DNAH12: variants seen among roughly 807,000 people sequenced by gnomAD.
DNAH12 encodes dynein axonemal heavy chain 12.
DNAH12 carries 285 observed loss-of-function variants against 371.5 expected under a neutral mutation model. The observed-to-expected ratio is 0.77, with a 90% CI of 0.70 to 0.85. The LOEUF (loss-of-function observed/expected upper bound fraction) is 0.85. Among genes scored for constraint, DNAH12 ranks in the 40% least tolerant of loss-of-function variants. DNAH12 has a pLI of 0.00. For synonymous variants in DNAH12, 1,200 were observed against 1,213.0 expected (o/e 0.99, Z 0.22); for missense variants, 3,611 against 3,689.4 (o/e 0.98, Z 0.55).
At chr3:57,420,908 C>CAAAAAAAAAA (rs369971376) in intron 36 of DNAH12, among the ~76,000 whole-genome samples, 8 of 78,014 alleles carry the variant, frequency 1.0e-4, no homozygotes, top group African/African-American at 1.6e-4. Flanking sequence ...GACTCCGTCT[C>CAAAAAAAAAA]AAAAAAAAAA....
At chr3:57,329,425 G>A (rs1365604042) in intron 62 of DNAH12, among the ~76,000 whole-genome samples, 3 of 125,946 alleles carry the variant, frequency 2.4e-5, no homozygotes, top group African/African-American at 1.0e-4. Flanking sequence ...ACAACTATCT[G>A]ATCTTTGACA....
intron 12 of DNAH12, among the ~76,000 whole-genome samples, chr3:57,484,890 G>C (rs2066872756): frequency 6.6e-6 from 1 of 152,006 alleles, no homozygotes; most frequent in Admixed American, 6.6e-5. Context: ...GACATGAATA[G>C]GCATTTCTTA....
rs1287420032 is a variant in DNAH12, at chr3:57,446,255, C to A, written c.3955G>T (p.Ala1319Ser). 3.9e-6 allele frequency: 6 copies of A among 1,551,032 alleles called. No homozygotes were observed. The African/African-American group carries it at 8.2e-5, about 21-fold the overall frequency. The change falls in exon 27 of 74, where the codon GCT becomes TCT. Residue 1319 changes from alanine to serine, a missense_variant. By Grantham distance (99) the Ala-to-Ser change is moderately conservative. Transcript: ENST00000495027. The part of the protein sequence containing the change: ...LAMGKFFKGL[A>S]SSGAWACFDE... The stretch of plus-strand genomic sequence containing the variant: ...AAGCAAGCCCAAGCACCAGAAGAAG[C>A]CAGTCCTTTAAAAAACTAAGGACAA...
chr3:57,353,451 C>A (rs1162139621), intron 59 of DNAH12, among the ~76,000 whole-genome samples: 2 of 152,130 alleles, frequency 1.3e-5, no homozygotes, highest in East Asian at 1.9e-4. Context: ...TGGCACCATG[C>A]CCAGCTAGTT....
intron 73 of DNAH12, 72 bp from the exon 74 acceptor site, chr3:57,294,043 A>G: frequency 7.7e-6 from 10 of 1,292,324 alleles, no homozygotes; most frequent in Non-Finnish European, 1.0e-5. Flanking sequence ...AGAACTATTT[A>G]TCTTGTAATA....
Position 57,334,562 on chromosome 3 carries a change from C to A in DNAH12, c.9881G>T (p.Ser3294Ile). 5 of 1,550,656 alleles carry A rather than the reference C, an allele frequency of 3.2e-6. No individual in the cohort carries two copies. Among genetic ancestry groups the A allele is most frequent in the Non-Finnish European group, 4.4e-6 (5 of 1,146,846 alleles). Residue 3294 changes from serine to isoleucine, a missense_variant, in exon 62 of 74, where the codon AGT becomes ATT. Around this residue, in one of 3 missense-constraint regions of DNAH12, gnomAD observed 2,266 missense variants for 2,236.9 expected, o/e 1.01. Transcript: ENST00000495027. ...AAATTTAGCATTATGTGGCTCTTTA[C>A]TGTCATAGATTTCTCGCCATTCATA... Reference protein sequence around the residue: ...HIYEWREIYDSKEPHNAKFPA... With the variant: ...HIYEWREIYDIKEPHNAKFPA...
At chr3:57,373,481 A>ATTT (rs879077079) in intron 55 of DNAH12, among the ~76,000 whole-genome samples, 26 of 141,004 alleles carry the variant, frequency 1.8e-4, no homozygotes, top group Admixed American at 4.3e-4. Context: ...CACCTGGCTA[A>ATTT]TTTTTTTTTT....
chr3:57,388,993 T>G (rs1014382505), intron 45 of DNAH12, among the ~76,000 whole-genome samples: 4 of 152,136 alleles, frequency 2.6e-5, no homozygotes, highest in Non-Finnish European at 5.9e-5. Flanking sequence ...ACATGGCACA[T>G]GTATACATAT....
chr3:57,407,443 T>C (rs146349199), intron 40 of DNAH12, among the ~76,000 whole-genome samples: 3,605 of 152,286 alleles, frequency 0.024, 69 homozygotes, highest in Admixed American at 0.035. Flanking sequence ...ATGTACTATC[T>C]CTTTGCTCAT....
intron 45 of DNAH12, among the ~76,000 whole-genome samples, chr3:57,390,617 A>C (rs1210650222): frequency 6.6e-6 from 1 of 150,660 alleles, no homozygotes; most frequent in African/African-American, 2.4e-5. Flanking sequence ...TGCACAGTCC[A>C]CATTCTATTG....
intron 59 of DNAH12, among the ~76,000 whole-genome samples, chr3:57,355,604 A>G (rs2062780378): frequency 6.6e-6 from 1 of 152,304 alleles, no homozygotes; most frequent in East Asian, 1.9e-4. Flanking sequence ...ATTTTGAAGA[A>G]CTTACAAAGT....
chr3:57,516,434 G>C (rs1293994605), intron 4 of DNAH12, among the ~76,000 whole-genome samples: 1 of 152,014 alleles, frequency 6.6e-6, no homozygotes, highest in Admixed American at 6.6e-5. Flanking sequence ...GCTGACCTCT[G>C]TCTAGCAATG....
intron 66 of DNAH12, among the ~76,000 whole-genome samples, chr3:57,312,512 C>A (rs2061602545): frequency 6.6e-6 from 1 of 152,198 alleles, no homozygotes; most frequent in South Asian, 2.1e-4. Flanking sequence ...CCTGCTCATA[C>A]CAGGTGAAGA....
Position 57,433,833 on chromosome 3 carries a change from G to T in DNAH12, c.4656-5C>A. 6.6e-7 allele frequency: 1 copy of T among 1,514,732 alleles called. No homozygotes were observed. The allele number at this position is 1,514,732 out of a possible 1,614,324, so 93.8% of individuals were successfully genotyped here. A position where few individuals can be genotyped will look rare whatever the true frequency, so the allele number is the denominator to read the frequency against. ...GGCTCTCCTACTAACATAAAACTATGAAGGAAAAGAAATAATTATACAATA... is the reference window on the plus strand; with the variant it reads ...GGCTCTCCTACTAACATAAAACTATTAAGGAAAAGAAATAATTATACAATA... On this transcript the variant is annotated splice_region_variant and splice_polypyrimidine_tract_variant and intron_variant, in intron 30 of 73. Coordinates refer to ENST00000495027, the MANE Select transcript of DNAH12 (RefSeq NM_001366028.2).
At position 57,461,521 on chromosome 3, in the gene DNAH12, G is replaced by A; in HGVS notation, c.2704C>T (p.Pro902Ser). ...TCATGTTCAAATGGTTTGATGAAAG[G>A]TGAGCCTCTCATTGTCTGAGTTTTT... ...IIKTQTMRGS[P>S]FIKPFEHEIK... is the part of the protein sequence containing the mutation. The change falls in exon 19 of 74, where the codon CCT becomes TCT. Residue 902 changes from proline (P) to serine (S), a missense_variant. Transcript: ENST00000495027. 1 of 1,551,272 alleles carries A rather than the reference G, an allele frequency of 6.4e-7. No individual in the cohort carries two copies. The highest frequency in any genetic ancestry group is 8.7e-7 in the Non-Finnish European group (1 of 1,146,818).
intron 42 of DNAH12, 81 bp from the exon 43 acceptor site, chr3:57,403,582 C>T (rs1481288894): frequency 5.4e-6 from 7 of 1,305,490 alleles, no homozygotes; most frequent in African/African-American, 3.0e-5. Flanking sequence ...GTTTCACTTT[C>T]CTAGAAGAAT....
At chr3:57,422,940 C>T (rs1408287604) in intron 35 of DNAH12, among the ~76,000 whole-genome samples, 1 of 152,134 alleles carries the variant, frequency 6.6e-6, no homozygotes, top group African/African-American at 2.4e-5. Flanking sequence ...AGAAACGATG[C>T]AAATCAGTAG....
At chr3:57,431,226 T>A (rs9851211) in intron 32 of DNAH12, among the ~76,000 whole-genome samples, 12,036 of 152,106 alleles carry the variant, frequency 0.079, 1,636 homozygotes, top group African/African-American at 0.27. Flanking sequence ...CCCTGTTTTT[T>A]CCCTGCCACT....
At chr3:57,391,270 T>C (rs941707502) in intron 45 of DNAH12, among the ~76,000 whole-genome samples, 10 of 152,190 alleles carry the variant, frequency 6.6e-5, no homozygotes, top group Non-Finnish European at 1.2e-4. Flanking sequence ...CCAGTTTTGT[T>C]CAATCCAATG....
Sources: gnomAD v4.1 joint callset for allele counts (sites outside exome capture counted in the v4.1 genomes callset) on GRCh38, gnomAD v4.1.1 for gene constraint, gnomAD v4.1.1 regional missense constraint, MANE v1.5 for transcripts, NCBI Gene and HGNC (gene_info 2026-07-23, HGNC 2026-07-21) for gene names.